The following GABBR2 variants were observed in gnomAD, a reference collection of about 807,000 sequenced individuals.
The protein encoded by GABBR2 is gamma-aminobutyric acid type B receptor subunit 2, also known as G-protein coupled receptor 51.
Under a neutral mutation model 105.6 loss-of-function variants are expected in GABBR2, and 23 were observed. That is an observed-to-expected ratio of 0.22 (90% confidence interval 0.16 to 0.31). The LOEUF (loss-of-function observed/expected upper bound fraction) is 0.31, where lower values mean the gene tolerates loss of function less well. Among genes scored for constraint, GABBR2 ranks in the 10% least tolerant of loss-of-function variants. The probability of loss-of-function intolerance (pLI) is 1.00; values close to 1 mark genes in which losing one functional copy is unlikely to be tolerated. For missense variants in GABBR2, 734 were observed against 1,245.5 expected (o/e 0.59, Z 6.18); for synonymous variants, 478 against 499.7 (o/e 0.96, Z 0.58).
intron 2 of GABBR2, among the ~76,000 whole-genome samples, chr9:98,568,609 C>T (rs1828782840): frequency 6.6e-6 from 1 of 152,104 alleles, no homozygotes; most frequent in Admixed American, 6.5e-5. Flanking sequence ...AGTCACCAGC[C>T]AGCACTTTGT....
chr9:98,396,322 C>G (rs1365094808), intron 8 of GABBR2, among the ~76,000 whole-genome samples: 1 of 152,234 alleles, frequency 6.6e-6, no homozygotes, highest in Non-Finnish European at 1.5e-5. Flanking sequence ...CCAAGGCACA[C>G]CCTGAGGAAG....
chr9:98,629,621 C>T (rs1342366683), intron 1 of GABBR2, among the ~76,000 whole-genome samples: 2 of 152,194 alleles, frequency 1.3e-5, no homozygotes, highest in African/African-American at 4.8e-5. Flanking sequence ...TTTGGGGTCA[C>T]CCCTTCCCCA....
At chr9:98,538,741 A>G (rs941924468) in intron 3 of GABBR2, 1 of 205,226 alleles carries the variant, frequency 4.9e-6, no homozygotes, top group Non-Finnish European at 8.6e-6. Flanking sequence ...CCGGAACAGA[A>G]GTGCTTGACG....
At chr9:98,480,270 C>T (rs962026892) in intron 5 of GABBR2, among the ~76,000 whole-genome samples, 2 of 152,196 alleles carry the variant, frequency 1.3e-5, no homozygotes, top group African/African-American at 4.8e-5. Flanking sequence ...GTGTTCTGTC[C>T]CCTACATCTA....
intron 1 of GABBR2, among the ~76,000 whole-genome samples, chr9:98,708,090 T>C (rs967304195): frequency 6.6e-6 from 1 of 152,186 alleles, no homozygotes; most frequent in African/African-American, 2.4e-5. Flanking sequence ...ACAATCAATG[T>C]AGGCCTTTGG....
intron 6 of GABBR2, among the ~76,000 whole-genome samples, chr9:98,458,398 G>A (rs1826362886): frequency 6.6e-6 from 1 of 152,198 alleles, no homozygotes; most frequent in Admixed American, 6.5e-5. Flanking sequence ...CACTTGGGAA[G>A]CTTGTTAAAA....
chr9:98,384,971 A>G (rs1832045369), intron 11 of GABBR2, among the ~76,000 whole-genome samples: 1 of 152,220 alleles, frequency 6.6e-6, no homozygotes, highest in African/African-American at 2.4e-5. Context: ...CTTAAATAGA[A>G]AATAACAATT....
intron 1 of GABBR2, chr9:98,608,264 T>C: frequency 1.7e-6 from 1 of 572,510 alleles, no homozygotes; most frequent in Middle Eastern, 4.7e-4. Context: ...TGACACACAT[T>C]ATTTTTGTTG....
intron 4 of GABBR2, among the ~76,000 whole-genome samples, chr9:98,492,349 T>TAAAAAAAAAAAAAA (rs574771107): frequency 0.088 from 2,555 of 29,006 alleles, 542 homozygotes; most frequent in East Asian, 0.15. Flanking sequence ...TGTTTCCTAG[T>TAAAAAAAAAAAAAA]AAAAAAAAAA....
intron 13 of GABBR2, among the ~76,000 whole-genome samples, chr9:98,358,568 A>G (rs181073057): frequency 2.0e-5 from 3 of 152,302 alleles, no homozygotes; most frequent in Admixed American, 1.3e-4. Context: ...TAACTGCTCT[A>G]AGGGGTCCTT....
At chr9:98,445,673 A>G (rs1206980636) in intron 7 of GABBR2, among the ~76,000 whole-genome samples, 2 of 152,242 alleles carry the variant, frequency 1.3e-5, no homozygotes, top group African/African-American at 4.8e-5. Flanking sequence ...GTACCAATGC[A>G]TCGGTCATTG....
chr9:98,336,980 A>G (rs1831126901), intron 13 of GABBR2, among the ~76,000 whole-genome samples: 1 of 152,192 alleles, frequency 6.6e-6, no homozygotes, highest in Admixed American at 6.6e-5. Context: ...TTTGCAAATT[A>G]TATAATCTTA....
intron 7 of GABBR2, among the ~76,000 whole-genome samples, chr9:98,415,956 G>A (rs1302999312): frequency 1.3e-5 from 2 of 152,178 alleles, no homozygotes; most frequent in African/African-American, 2.4e-5. Flanking sequence ...GGGCTAGAGG[G>A]ATGGTGTGTG....
At chr9:98,394,640 CCCTAGGATAGG>C (rs1315852076) in intron 8 of GABBR2, among the ~76,000 whole-genome samples, 3 of 152,200 alleles carry the variant, frequency 2.0e-5, no homozygotes, top group Non-Finnish European at 4.4e-5. Context: ...GCTCCATCTT[CCCTAGGATAGG>C]CCCAGATACT....
intron 16 of GABBR2, among the ~76,000 whole-genome samples, chr9:98,301,971 A>T (rs978324181): frequency 2.9e-4 from 44 of 152,236 alleles, no homozygotes; most frequent in African/African-American, 1.1e-3. Flanking sequence ...AGCAAATAAA[A>T]ATCCAGAATG....
chr9:98,396,150 G>A (rs140703657), intron 8 of GABBR2, among the ~76,000 whole-genome samples: 5 of 152,156 alleles, frequency 3.3e-5, no homozygotes, highest in Admixed American at 1.3e-4. Context: ...AGTTTGTGCC[G>A]AGTGCCCACT....
intron 7 of GABBR2, among the ~76,000 whole-genome samples, chr9:98,432,262 T>C (rs1407768795): frequency 6.6e-6 from 1 of 151,918 alleles, no homozygotes; most frequent in Admixed American, 6.6e-5. Flanking sequence ...ATGGTGAGTG[T>C]GAGAATGAGC....
intron 15 of GABBR2, among the ~76,000 whole-genome samples, chr9:98,305,768 G>T (rs1830541704): frequency 6.7e-6 from 1 of 150,014 alleles, no homozygotes; most frequent in Non-Finnish European, 1.5e-5. Flanking sequence ...TGAGCCGAGA[G>T]ATCACATCAC....
At chr9:98,475,711 G>A (rs1357157414) in intron 5 of GABBR2, among the ~76,000 whole-genome samples, 3 of 152,202 alleles carry the variant, frequency 2.0e-5, no homozygotes, top group African/African-American at 7.2e-5. Context: ...ATTTTTGGAA[G>A]TTTTCTCAAT....
Sources: gnomAD v4.1 joint callset for allele counts (sites outside exome capture counted in the v4.1 genomes callset) on GRCh38, gnomAD v4.1.1 for gene constraint, MANE v1.5 for transcripts, NCBI Gene and HGNC (gene_info 2026-07-23, HGNC 2026-07-21) for gene names.